The following MCHR2 variants were observed in gnomAD, a reference collection of about 807,000 sequenced individuals.
MCHR2 encodes the protein melanin-concentrating hormone receptor 2.
Under a neutral mutation model 24.8 loss-of-function variants are expected in MCHR2, and 15 were observed. The ratio of observed to expected loss-of-function variants is 0.60; its 90% confidence interval spans 0.40 to 0.93. MCHR2 has a LOEUF of 0.93. MCHR2 is among the 40% of genes least tolerant of loss of function. The pLI is 0.00. For missense variants in MCHR2, 386 were observed against 408.7 expected (o/e 0.94, Z 0.48); for synonymous variants, 151 against 147.6 (o/e 1.02, Z -0.17).
chr6:99,932,889 A>G (rs972768321), intron 5 of MCHR2, among the ~76,000 whole-genome samples: 1 of 152,182 alleles, frequency 6.6e-6, no homozygotes, highest in African/African-American at 2.4e-5. Flanking sequence ...AGTTAACAGT[A>G]ATGTACTGCA....
At chr6:99,969,074 C>T (rs940704309) in intron 1 of MCHR2, among the ~76,000 whole-genome samples, 1 of 151,850 alleles carries the variant, frequency 6.6e-6, no homozygotes, top group Non-Finnish European at 1.5e-5. Flanking sequence ...TGTAATTTAC[C>T]CTTATATCTC....
At chr6:99,932,247 G>A (rs1019400547) in intron 5 of MCHR2, among the ~76,000 whole-genome samples, 1 of 152,112 alleles carries the variant, frequency 6.6e-6, no homozygotes, top group African/African-American at 2.4e-5. Context: ...AAATAACAAA[G>A]CATTAAATTA....
intron 1 of MCHR2, among the ~76,000 whole-genome samples, chr6:99,976,466 T>TG (rs1775553894): frequency 6.6e-6 from 1 of 152,222 alleles, no homozygotes. Context: ...GCATGGATGG[T>TG]GACTGATGGT....
intron 1 of MCHR2, among the ~76,000 whole-genome samples, chr6:99,981,000 G>A (rs1775659767): frequency 6.6e-6 from 1 of 152,104 alleles, no homozygotes; most frequent in Non-Finnish European, 1.5e-5. Context: ...TTTAACAAAG[G>A]AAAAATCCTT....
At chr6:99,977,152 T>C (rs1468283364) in intron 1 of MCHR2, among the ~76,000 whole-genome samples, 1 of 152,230 alleles carries the variant, frequency 6.6e-6, no homozygotes, top group Non-Finnish European at 1.5e-5. Flanking sequence ...TCTCAAAATG[T>C]GTGCATAAAA....
At chr6:99,973,302 C>G (rs1049141163) in intron 1 of MCHR2, among the ~76,000 whole-genome samples, 8 of 151,756 alleles carry the variant, frequency 5.3e-5, no homozygotes, top group African/African-American at 9.7e-5. Context: ...GAATTGATCC[C>G]TTTACCATTA....
chr6:99,957,467 C>T (rs1775087585), intron 1 of MCHR2, among the ~76,000 whole-genome samples: 1 of 152,028 alleles, frequency 6.6e-6, no homozygotes. Flanking sequence ...TGAATCTCCC[C>T]TGAAGAGAAT....
chr6:99,982,675 A>G lies in MCHR2; in HGVS notation c.-28+11261T>C, dbSNP rs966654871. On this transcript the variant is annotated intron_variant, in intron 1 of 5. Transcript: ENST00000281806. ...CACACCCAATTTTAATTGGGGTGCT[A>G]TTATGGGTGCCATATGAGTTGGGTG... is the stretch of plus-strand genomic sequence containing the variant. 6.6e-5 allele frequency among the ~76,000 whole-genome samples: 10 copies of G among 152,100 alleles called. No individual in the cohort carries two copies. The East Asian group carries it at 1.6e-3, about 24-fold the overall frequency.
At chr6:99,977,108 G>A (rs1775566093) in intron 1 of MCHR2, among the ~76,000 whole-genome samples, 1 of 152,196 alleles carries the variant, frequency 6.6e-6, no homozygotes, top group African/African-American at 2.4e-5. Context: ...CTGAGATACA[G>A]TCTGACATGT....
intron 1 of MCHR2, among the ~76,000 whole-genome samples, chr6:99,964,822 G>A (rs1300224662): frequency 1.3e-5 from 2 of 152,024 alleles, no homozygotes; most frequent in African/African-American, 4.8e-5. Flanking sequence ...GCACTGGATG[G>A]GAACAGACTC....
At chr6:99,937,096 T>C (rs1358903479) in intron 4 of MCHR2, among the ~76,000 whole-genome samples, 3 of 151,970 alleles carry the variant, frequency 2.0e-5, no homozygotes, top group Non-Finnish European at 4.4e-5. Context: ...TTATCAGTTT[T>C]AATAGTTTTT....
At position 99,920,826 on chromosome 6, in the gene MCHR2, G is replaced by A; in HGVS notation, c.*114C>T. On this transcript the variant is annotated 3_prime_UTR_variant, in exon 6 of 6. Transcript: ENST00000281806. ...TTACACTTCTCTTCCATGCTGCTAAGAGTCACAAGTACACAAGAAGAATGG... is the reference window on the plus strand; with the variant it reads ...TTACACTTCTCTTCCATGCTGCTAAAAGTCACAAGTACACAAGAAGAATGG... 1 of 1,008,064 alleles carries A rather than the reference G, an allele frequency of 9.9e-7. No homozygotes were observed. Among genetic ancestry groups the A allele is most frequent in the South Asian group, 1.6e-5 (1 of 64,442 alleles). 62.4% of individuals were successfully genotyped at this position (1,008,064 alleles called of 1,614,324 possible).
At chr6:99,924,612 A>T (rs1408640433) in intron 5 of MCHR2, among the ~76,000 whole-genome samples, 1 of 151,878 alleles carries the variant, frequency 6.6e-6, no homozygotes, top group Non-Finnish European at 1.5e-5. Flanking sequence ...TTCCATTATC[A>T]TTTGTTTCAA....
At chr6:99,958,791 T>G (rs1405688880) in intron 1 of MCHR2, among the ~76,000 whole-genome samples, 1 of 152,190 alleles carries the variant, frequency 6.6e-6, no homozygotes, top group Non-Finnish European at 1.5e-5. Context: ...CGGGGGAAAC[T>G]TCCAGCTTCT....
At chr6:99,989,110 G>T (rs757772039) in intron 1 of MCHR2, among the ~76,000 whole-genome samples, 1 of 152,160 alleles carries the variant, frequency 6.6e-6, no homozygotes, top group Non-Finnish European at 1.5e-5. Context: ...CTGAAAGAGG[G>T]TCTAAGATCA....
At chr6:99,932,474 G>T (rs1774566887) in intron 5 of MCHR2, among the ~76,000 whole-genome samples, 1 of 152,128 alleles carries the variant, frequency 6.6e-6, no homozygotes, top group Non-Finnish European at 1.5e-5. Flanking sequence ...CCAAAGAACA[G>T]AATAGTGAAA....
intron 3 of MCHR2, among the ~76,000 whole-genome samples, chr6:99,946,190 C>G (rs1029945642): frequency 6.6e-6 from 1 of 152,036 alleles, no homozygotes; most frequent in Non-Finnish European, 1.5e-5. Flanking sequence ...GTATTGGAAC[C>G]CTGACAAGCA....
intron 4 of MCHR2, among the ~76,000 whole-genome samples, chr6:99,938,990 T>G (rs1227908361): frequency 6.6e-6 from 1 of 152,022 alleles, no homozygotes; most frequent in Admixed American, 6.6e-5. Flanking sequence ...CTATTTTATC[T>G]AAATATAGCT....
At chr6:99,986,397 A>C (rs994113636) in intron 1 of MCHR2, among the ~76,000 whole-genome samples, 1 of 152,228 alleles carries the variant, frequency 6.6e-6, no homozygotes, top group African/African-American at 2.4e-5. Context: ...TGTTTACATT[A>C]GCAAAGTCAT....
Sources: allele counts gnomAD v4.1 joint callset (sites outside exome capture counted in the v4.1 genomes callset), GRCh38; gene constraint gnomAD v4.1.1; transcripts MANE v1.5; gene names NCBI Gene and HGNC (gene_info 2026-07-23, HGNC 2026-07-21).